SPOCK1: variants seen among roughly 807,000 people sequenced by gnomAD.
SPOCK1 encodes the protein testican-1.
In SPOCK1, 23 loss-of-function variants were observed where a neutral mutation model predicts 55.3. That is an observed-to-expected ratio of 0.42 (90% CI 0.30 to 0.59). The LOEUF is 0.59. Among genes scored for constraint, SPOCK1 ranks in the 20% least tolerant of loss-of-function variants. The pLI, the probability that SPOCK1 is intolerant of heterozygous loss-of-function variation, is 0.22. For synonymous variants in SPOCK1, 226 were observed against 221.0 expected, an observed-to-expected ratio of 1.02 and a Z score of -0.20; for missense variants, 499 against 552.5, an observed-to-expected ratio of 0.90 and a Z score of 0.97.
At chr5:137,142,560 A>C (rs1257678993) in intron 3 of SPOCK1, among the ~76,000 whole-genome samples, 1 of 152,222 alleles carries the variant, frequency 6.6e-6, no homozygotes, top group African/African-American at 2.4e-5. Flanking sequence ...CTACTCCCCA[A>C]GGGATGTGAC....
intron 2 of SPOCK1, among the ~76,000 whole-genome samples, chr5:137,378,602 T>C (rs1487910911): frequency 1.3e-5 from 2 of 152,224 alleles, no homozygotes; most frequent in Non-Finnish European, 2.9e-5. Context: ...CCTAAGATGA[T>C]GCAAAGAGCT....
At chr5:137,216,461 G>A (rs756401566) in intron 3 of SPOCK1, among the ~76,000 whole-genome samples, 4 of 152,116 alleles carry the variant, frequency 2.6e-5, no homozygotes, top group South Asian at 2.1e-4. Context: ...CTGTAATCCC[G>A]GCACTTTCGG....
At chr5:137,018,934 T>A (rs1317928984) in intron 6 of SPOCK1, among the ~76,000 whole-genome samples, 1 of 151,956 alleles carries the variant, frequency 6.6e-6, no homozygotes, top group Non-Finnish European at 1.5e-5. Context: ...AATTGAAAAA[T>A]CAACAAAGGC....
intron 9 of SPOCK1, among the ~76,000 whole-genome samples, chr5:136,979,724 T>A (rs529888566): frequency 6.6e-6 from 1 of 152,332 alleles, no homozygotes; most frequent in South Asian, 2.1e-4. Context: ...ACTTCTATTC[T>A]GGGCACTGAC....
At chr5:137,438,941 A>T (rs955989496) in intron 2 of SPOCK1, among the ~76,000 whole-genome samples, 2 of 152,200 alleles carry the variant, frequency 1.3e-5, no homozygotes, top group Non-Finnish European at 2.9e-5. Context: ...GGGCTCAACA[A>T]CTCAACACGT....
At chr5:137,422,049 A>G (rs1486376554) in intron 2 of SPOCK1, among the ~76,000 whole-genome samples, 2 of 152,130 alleles carry the variant, frequency 1.3e-5, no homozygotes, top group Admixed American at 6.5e-5. Context: ...TTTCTCCTTC[A>G]CTTATGAAGC....
chr5:137,392,339 C>A (rs1016072738), intron 2 of SPOCK1, among the ~76,000 whole-genome samples: 2 of 152,186 alleles, frequency 1.3e-5, no homozygotes, highest in Non-Finnish European at 2.9e-5. Context: ...CAACGCCAGC[C>A]CACAACTTGA....
chr5:137,198,330 T>C (rs1157574407), intron 3 of SPOCK1, among the ~76,000 whole-genome samples: 1 of 152,246 alleles, frequency 6.6e-6, no homozygotes, highest in African/African-American at 2.4e-5. Context: ...GATAAATTAC[T>C]GTTTAACAAA....
intron 2 of SPOCK1, among the ~76,000 whole-genome samples, chr5:137,417,981 T>G (rs1044968558): frequency 5.9e-5 from 9 of 151,838 alleles, no homozygotes; most frequent in Non-Finnish European, 4.4e-5. Flanking sequence ...CAGGCCCTGG[T>G]GTGTGATGTT....
chr5:137,472,982 C>A (rs1427132701), intron 2 of SPOCK1, among the ~76,000 whole-genome samples: 2 of 152,112 alleles, frequency 1.3e-5, no homozygotes, highest in Non-Finnish European at 2.9e-5. Flanking sequence ...CTGTAGGGAG[C>A]CAAGCACTGT....
At chr5:137,396,883 T>C (rs1056878120) in intron 2 of SPOCK1, among the ~76,000 whole-genome samples, 1 of 152,164 alleles carries the variant, frequency 6.6e-6, no homozygotes, top group African/African-American at 2.4e-5. Flanking sequence ...TCAGGGGCCA[T>C]CTATCCCCCT....
chr5:137,465,174 T>C (rs557253596), intron 2 of SPOCK1, among the ~76,000 whole-genome samples: 1 of 152,274 alleles, frequency 6.6e-6, no homozygotes, highest in Non-Finnish European at 1.5e-5. Context: ...ACAAGGAAGA[T>C]ATAAGATCGC....
intron 3 of SPOCK1, among the ~76,000 whole-genome samples, chr5:137,225,549 C>A (rs1163247785): frequency 6.6e-6 from 1 of 152,162 alleles, no homozygotes; most frequent in African/African-American, 2.4e-5. Flanking sequence ...AACATGTTCA[C>A]CCATACTCAA....
At chr5:137,166,827 AC>A (rs201429495) in intron 3 of SPOCK1, among the ~76,000 whole-genome samples, 1 of 150,402 alleles carries the variant, frequency 6.6e-6, no homozygotes, top group African/African-American at 2.4e-5. Context: ...TACACAAAAA[AC>A]AAAAGGCAAG....
intron 2 of SPOCK1, among the ~76,000 whole-genome samples, chr5:137,358,241 A>G (rs146185154): frequency 6.6e-6 from 1 of 151,882 alleles, no homozygotes; most frequent in African/African-American, 2.4e-5. Context: ...AAATCACTCC[A>G]CCATCCTTCA....
chr5:137,272,943 A>C (rs1580841191), intron 2 of SPOCK1, among the ~76,000 whole-genome samples: 1 of 152,272 alleles, frequency 6.6e-6, no homozygotes, highest in East Asian at 1.9e-4. Context: ...AGTGTGTGTA[A>C]GTACAGGTGG....
chr5:136,983,020 AC>A lies in SPOCK1; in HGVS notation c.991+2119del, dbSNP rs773117853. Among the ~76,000 whole-genome samples, 3 of 152,144 alleles carry A rather than the reference AC, an allele frequency of 2.0e-5. No homozygotes were observed. The South Asian group carries it at 6.2e-4, about 32-fold the overall frequency. On this transcript the variant is annotated intron_variant, in intron 9 of 10. Coordinates refer to ENST00000394945, the MANE Select transcript of SPOCK1 (RefSeq NM_004598.4). ...ATAGTTTTTAGTTTTGGTTTTCCTTACAGGGTAGGTGTGTTTCTTGATAGTG... is the reference window on the plus strand; with the variant it reads ...ATAGTTTTTAGTTTTGGTTTTCCTTAAGGGTAGGTGTGTTTCTTGATAGTG...
intron 3 of SPOCK1, among the ~76,000 whole-genome samples, chr5:137,250,301 T>A (rs1338014703): frequency 2.6e-5 from 4 of 152,182 alleles, no homozygotes; most frequent in Non-Finnish European, 5.9e-5. Flanking sequence ...AAAATAAATT[T>A]GCTGATTCCT....
At chr5:137,432,261 C>A (rs1752763360) in intron 2 of SPOCK1, among the ~76,000 whole-genome samples, 1 of 152,158 alleles carries the variant, frequency 6.6e-6, no homozygotes, top group Non-Finnish European at 1.5e-5. Context: ...TGGATATACA[C>A]CCAAAAGAAC....
Sources: allele counts gnomAD v4.1 joint callset (sites outside exome capture counted in the v4.1 genomes callset), GRCh38; gene constraint gnomAD v4.1.1; transcripts MANE v1.5; gene names NCBI Gene and HGNC (gene_info 2026-07-23, HGNC 2026-07-21).